The following SLC9B1 variants were observed in gnomAD, a reference collection of about 807,000 sequenced individuals.
SLC9B1 encodes solute carrier family 9 member B1, also known as sodium/hydrogen exchanger 9B1.
In SLC9B1, 32 loss-of-function variants were observed where a neutral mutation model predicts 51.7. That is an observed-to-expected ratio of 0.62 (90% CI 0.47 to 0.83). SLC9B1 has a LOEUF of 0.83. Ranked by LOEUF, SLC9B1 falls within the 40% of genes least tolerant of loss-of-function variation. The pLI, the probability that SLC9B1 is intolerant of heterozygous loss-of-function variation, is 0.00. For missense variants in SLC9B1, 406 were observed against 613.2 expected (o/e 0.66, Z 3.57); for synonymous variants, 145 against 212.7 (o/e 0.68, Z 2.77).
intron 3 of SLC9B1, among the ~76,000 whole-genome samples, chr4:102,969,981 G>A (rs1738663178): frequency 6.6e-6 from 1 of 152,162 alleles, no homozygotes; most frequent in Non-Finnish European, 1.5e-5. Context: ...AGAAATACGG[G>A]ACTATGTGAA....
intron 7 of SLC9B1, among the ~76,000 whole-genome samples, chr4:102,917,463 CTA>C (rs1229106368): frequency 6.6e-6 from 1 of 151,398 alleles, no homozygotes; most frequent in African/African-American, 2.4e-5. Context: ...ATATCTATAT[CTA>C]TATCTATATC....
At chr4:102,998,871 A>T (rs1443457407) in intron 1 of SLC9B1, among the ~76,000 whole-genome samples, 1 of 151,566 alleles carries the variant, frequency 6.6e-6, no homozygotes, top group Non-Finnish European at 1.5e-5. Context: ...TTTTATTCTT[A>T]TTTTTTTGAG....
chr4:102,908,778 A>C (rs1249088765), intron 9 of SLC9B1, among the ~76,000 whole-genome samples: 2 of 152,312 alleles, frequency 1.3e-5, no homozygotes, highest in African/African-American at 4.8e-5. Flanking sequence ...ACCATAAACA[A>C]AGTTGAAGAT....
At chr4:102,921,752 G>C (rs1438484489) in intron 7 of SLC9B1, among the ~76,000 whole-genome samples, 3 of 152,136 alleles carry the variant, frequency 2.0e-5, no homozygotes, top group Admixed American at 1.3e-4. Flanking sequence ...AATAGCAGGG[G>C]TTGCAATCCT....
intron 3 of SLC9B1, among the ~76,000 whole-genome samples, chr4:102,959,013 CAAAA>C (rs1737947062): frequency 1.3e-5 from 2 of 151,356 alleles, no homozygotes; most frequent in African/African-American, 4.8e-5. Context: ...AAAAGAAAAA[CAAAA>C]AGACATGACA....
intron 3 of SLC9B1, among the ~76,000 whole-genome samples, chr4:102,980,587 G>T (rs1739301129): frequency 6.6e-6 from 1 of 151,948 alleles, no homozygotes. Context: ...TTGTTGAGGG[G>T]GTTGAGGGAC....
intron 1 of SLC9B1, among the ~76,000 whole-genome samples, chr4:102,998,013 A>G (rs910586548): frequency 1.3e-5 from 2 of 152,190 alleles, no homozygotes; most frequent in African/African-American, 4.8e-5. Context: ...GTGGTAAAAT[A>G]TGCATAAAAT....
chr4:102,963,097 G>C (rs1738225841), intron 3 of SLC9B1: 1 of 401,934 alleles, frequency 2.5e-6, no homozygotes, highest in South Asian at 1.9e-5. Context: ...GATTTGAAGA[G>C]TGGTACATGC....
chr4:102,935,714 CTT>C (rs35127221), intron 6 of SLC9B1, among the ~76,000 whole-genome samples: 3 of 151,968 alleles, frequency 2.0e-5, no homozygotes, highest in African/African-American at 7.2e-5. Context: ...AAATAATACT[CTT>C]TTTTTTCTCT....
chr4:102,919,850 G>A (rs1461744782), intron 7 of SLC9B1, among the ~76,000 whole-genome samples: 2 of 152,342 alleles, frequency 1.3e-5, no homozygotes, highest in East Asian at 3.9e-4. Context: ...AGCCTGGCTG[G>A]GGGAGGGCCG....
intron 7 of SLC9B1, among the ~76,000 whole-genome samples, chr4:102,926,189 G>C (rs1195636081): frequency 6.6e-6 from 1 of 152,270 alleles, no homozygotes; most frequent in Non-Finnish European, 1.5e-5. Context: ...ACCGGCACAA[G>C]ACAAGGATGC....
rs148800785 is a variant in SLC9B1, at chr4:102,942,116, C to T, written c.653+3077G>A. On this transcript the variant is annotated intron_variant, in intron 6 of 11. Coordinates refer to ENST00000296422, the MANE Select transcript of SLC9B1 (RefSeq NM_139173.4). Reference sequence around the variant, plus strand: ...AACAAACAAAACCAAAGAAAAAACCCCAAGCAAACGAACTTAGGAATATAC... The same window carrying T: ...AACAAACAAAACCAAAGAAAAAACCTCAAGCAAACGAACTTAGGAATATAC... Among the ~76,000 whole-genome samples the T allele has an allele frequency of 2.6e-3, 394 of 152,050 alleles. 3 individuals carry two copies. The highest frequency in any genetic ancestry group is 0.019 in the Admixed American group (294 of 15,240).
At chr4:102,959,783 T>C (rs1035274585) in intron 3 of SLC9B1, among the ~76,000 whole-genome samples, 2 of 151,634 alleles carry the variant, frequency 1.3e-5, no homozygotes, top group Non-Finnish European at 2.9e-5. Flanking sequence ...AAATGGAGAG[T>C]GGTTACAAAC....
chr4:102,895,916 C>G (rs1734512255), intron 11 of SLC9B1, among the ~76,000 whole-genome samples: 1 of 152,182 alleles, frequency 6.6e-6, no homozygotes, highest in African/African-American at 2.4e-5. Context: ...TATTTCTTCA[C>G]AGCAAGCTGA....
intron 5 of SLC9B1, 82 bp from the exon 6 acceptor site, chr4:102,945,402 T>C (rs187955274): frequency 2.0e-4 from 289 of 1,412,336 alleles, no homozygotes; most frequent in South Asian, 4.7e-4. Flanking sequence ...AACTATAAAG[T>C]CTTTTTTCAT....
chr4:102,969,152 G>A (rs1275643640), intron 3 of SLC9B1, among the ~76,000 whole-genome samples: 1 of 152,184 alleles, frequency 6.6e-6, no homozygotes, highest in African/African-American at 2.4e-5. Context: ...AGACTTAAAC[G>A]TCCCTGTCTG....
intron 7 of SLC9B1, among the ~76,000 whole-genome samples, chr4:102,913,967 C>A (rs1735468376): frequency 6.6e-6 from 1 of 152,046 alleles, no homozygotes; most frequent in Non-Finnish European, 1.5e-5. Context: ...AGGGGAATTG[C>A]AATGGAGAAA....
At chr4:102,933,969 C>A (rs1181105055) in intron 6 of SLC9B1, among the ~76,000 whole-genome samples, 1 of 152,236 alleles carries the variant, frequency 6.6e-6, no homozygotes, top group African/African-American at 2.4e-5. Flanking sequence ...CGGTGTTTCA[C>A]CATTTTGGCC....
At chr4:103,009,908 C>T (rs1358165646) in intron 1 of SLC9B1, among the ~76,000 whole-genome samples, 1 of 117,120 alleles carries the variant, frequency 8.5e-6, no homozygotes, top group Non-Finnish European at 1.7e-5. Context: ...GGCATTCAAA[C>T]TAGGTCAGTA....
Sources: gnomAD v4.1 joint callset for allele counts (sites outside exome capture counted in the v4.1 genomes callset) on GRCh38, gnomAD v4.1.1 for gene constraint, MANE v1.5 for transcripts, NCBI Gene and HGNC (gene_info 2026-07-23, HGNC 2026-07-21) for gene names.